The following RBFOX1 variants were observed in gnomAD, a reference collection of about 807,000 sequenced individuals.
RBFOX1 encodes the protein RNA binding fox-1 homolog 1.
A neutral mutation model predicts 57.7 loss-of-function variants in RBFOX1; 8 were observed. That is an observed-to-expected ratio of 0.14 (90% CI 0.08 to 0.25). The LOEUF (loss-of-function observed/expected upper bound fraction) is 0.25, where lower values mean the gene tolerates loss of function less well. Ranked by LOEUF, RBFOX1 falls within the 10% of genes least tolerant of loss-of-function variation. The pLI is 1.00. For synonymous variants in RBFOX1, 326 were observed against 222.4 expected, an observed-to-expected ratio of 1.47 and a Z score of -4.15; for missense variants, 611 against 548.5, an observed-to-expected ratio of 1.11 and a Z score of -1.14.
intron 4 of RBFOX1, among the ~76,000 whole-genome samples, chr16:7,260,953 C>A (rs187106123): frequency 1.3e-5 from 2 of 152,148 alleles, no homozygotes; most frequent in South Asian, 2.1e-4. Flanking sequence ...CACCTACAGC[C>A]CCTTCAAGGG....
chr16:7,174,745 A>T (rs994325724), intron 4 of RBFOX1, among the ~76,000 whole-genome samples: 1 of 152,196 alleles, frequency 6.6e-6, no homozygotes, highest in African/African-American at 2.4e-5. Context: ...GCGCCATTGC[A>T]CTCCAGACTG....
intron 1 of RBFOX1, among the ~76,000 whole-genome samples, chr16:5,320,465 C>A (rs538757700): frequency 2.6e-5 from 4 of 152,148 alleles, no homozygotes; most frequent in Non-Finnish European, 5.9e-5. Flanking sequence ...AAGAACAAGA[C>A]CCTCGAAGGA....
At chr16:6,249,666 T>TCTAGCC (rs981211782) in intron 1 of RBFOX1, among the ~76,000 whole-genome samples, 1 of 151,904 alleles carries the variant, frequency 6.6e-6, no homozygotes, top group Non-Finnish European at 1.5e-5. Flanking sequence ...AAAGGTGAGA[T>TCTAGCC]CTAGCCAGGG....
chr16:6,457,541 T>C (rs1000014576), intron 2 of RBFOX1, among the ~76,000 whole-genome samples: 3 of 150,964 alleles, frequency 2.0e-5, no homozygotes, highest in African/African-American at 7.3e-5. Flanking sequence ...ACTATAACTT[T>C]AATCATCTGA....
chr16:7,211,085 T>TAAA lies in RBFOX1; in HGVS notation c.27+159001_27+159003dup, dbSNP rs59344460. Among the ~76,000 whole-genome samples the TAAA allele has an allele frequency of 1.5e-3, 222 of 144,416 alleles. 1 individual carries two copies. The highest frequency in any genetic ancestry group is 2.1e-3 in the Non-Finnish European group (140 of 66,154). The allele number at this position is 144,416 out of a possible 152,430, so 94.7% of individuals were successfully genotyped here. On this transcript the variant is annotated intron_variant, in intron 4 of 15. Coordinates refer to ENST00000550418, the MANE Select transcript of RBFOX1 (RefSeq NM_018723.4). ...GTTGTATACCTTAGATACATACACT[T>TAAA]AAAAAAAAAAAAAAAAGGACTCTGG...
intron 4 of RBFOX1, among the ~76,000 whole-genome samples, chr16:5,948,795 G>A (rs2059457268): frequency 6.6e-6 from 1 of 152,148 alleles, no homozygotes; most frequent in Admixed American, 6.5e-5. Context: ...GTTGTTTTAA[G>A]CTGCTTAGAT....
intron 5 of RBFOX1, among the ~76,000 whole-genome samples, chr16:7,519,291 G>C (rs919038340): frequency 2.0e-5 from 3 of 152,102 alleles, no homozygotes; most frequent in African/African-American, 7.2e-5. Flanking sequence ...TGCGGTGTTT[G>C]TCCCTGGTTT....
intron 4 of RBFOX1, among the ~76,000 whole-genome samples, chr16:5,928,881 G>A (rs904432349): frequency 6.6e-6 from 1 of 151,916 alleles, no homozygotes; most frequent in Non-Finnish European, 1.5e-5. Flanking sequence ...AACAGCCTCT[G>A]TGACAGCCCA....
intron 3 of RBFOX1, among the ~76,000 whole-genome samples, chr16:5,670,100 G>C (rs2049972249): frequency 6.6e-6 from 1 of 151,888 alleles, no homozygotes; most frequent in African/African-American, 2.4e-5. Flanking sequence ...CAGACCTTAG[G>C]ATTCCATTTA....
intron 2 of RBFOX1, among the ~76,000 whole-genome samples, chr16:6,644,241 G>A (rs75168709): frequency 0.044 from 6,763 of 152,268 alleles, 173 homozygotes; most frequent in Non-Finnish European, 0.049. Flanking sequence ...ACAACAATAG[G>A]CAATGTAAGC....
intron 3 of RBFOX1, among the ~76,000 whole-genome samples, chr16:6,817,379 G>T (rs2090309197): frequency 1.3e-5 from 2 of 152,018 alleles, no homozygotes; most frequent in Non-Finnish European, 2.9e-5. Context: ...AGTGTCTCAT[G>T]GTAGAAATAA....
intron 4 of RBFOX1, among the ~76,000 whole-genome samples, chr16:7,225,417 C>G (rs377513827): frequency 9.2e-5 from 14 of 152,100 alleles, no homozygotes; most frequent in Admixed American, 1.3e-4. Flanking sequence ...TTCTCATTCT[C>G]TCTTGTCTGC....
intron 3 of RBFOX1, among the ~76,000 whole-genome samples, chr16:6,925,262 T>A (rs1027142120): frequency 1.3e-5 from 2 of 150,908 alleles, no homozygotes; most frequent in Admixed American, 1.3e-4. Flanking sequence ...GTCTCCCAAG[T>A]AGCTGGGATT....
intron 4 of RBFOX1, among the ~76,000 whole-genome samples, chr16:7,098,031 G>C (rs1417587194): frequency 6.6e-6 from 1 of 152,190 alleles, no homozygotes; most frequent in Non-Finnish European, 1.5e-5. Flanking sequence ...CTCAGTGATG[G>C]AGTATTCAAG....
chr16:5,258,419 T>TA (rs34096366), intron 1 of RBFOX1, among the ~76,000 whole-genome samples: 50,657 of 152,044 alleles, frequency 0.33, 8,618 homozygotes, highest in African/African-American at 0.41. Context: ...GGGCATTTTT[T>TA]ATATGATCAT....
At chr16:5,479,578 G>C (rs2677799) in intron 2 of RBFOX1, among the ~76,000 whole-genome samples, 33,117 of 151,926 alleles carry the variant, frequency 0.22, 3,897 homozygotes, top group Middle Eastern at 0.31. Context: ...GGCCAACATG[G>C]TAAAACCCCG....
intron 4 of RBFOX1, among the ~76,000 whole-genome samples, chr16:7,125,691 A>C (rs1449638031): frequency 6.6e-6 from 1 of 152,144 alleles, no homozygotes; most frequent in African/African-American, 2.4e-5. Flanking sequence ...CTAAAATTTA[A>C]CACTTTTTTT....
intron 1 of RBFOX1, among the ~76,000 whole-genome samples, chr16:5,370,372 C>G (rs974574790): frequency 6.6e-6 from 1 of 151,760 alleles, no homozygotes; most frequent in Non-Finnish European, 1.5e-5. Flanking sequence ...TCCCTGGTGC[C>G]AGATGCTATG....
chr16:7,019,017 T>C (rs1411170628), intron 3 of RBFOX1, among the ~76,000 whole-genome samples: 1 of 152,028 alleles, frequency 6.6e-6, no homozygotes, highest in Non-Finnish European at 1.5e-5. Context: ...GAAAGCGTTC[T>C]TGTTCAGAAC....
Sources: allele counts gnomAD v4.1 joint callset (sites outside exome capture counted in the v4.1 genomes callset), GRCh38; gene constraint gnomAD v4.1.1; transcripts MANE v1.5; gene names NCBI Gene and HGNC (gene_info 2026-07-23, HGNC 2026-07-21).